The following ZFYVE9 variants were observed in gnomAD, a reference collection of about 807,000 sequenced individuals.
ZFYVE9 encodes zinc finger FYVE-type containing 9, also known as zinc finger FYVE domain-containing protein 9.
A neutral mutation model predicts 126.7 loss-of-function variants in ZFYVE9; 43 were observed. The observed-to-expected ratio is 0.34, with a 90% CI of 0.27 to 0.44. ZFYVE9 has a LOEUF of 0.44. Among genes scored for constraint, ZFYVE9 ranks in the 20% least tolerant of loss-of-function variants. ZFYVE9 has a pLI of 1.00. For synonymous variants in ZFYVE9, 521 were observed against 597.4 expected, an observed-to-expected ratio of 0.87 and a Z score of 1.87; for missense variants, 1,476 against 1,697.0, an observed-to-expected ratio of 0.87 and a Z score of 2.29.
chr1:52,221,505 C>T (rs548830829), intron 2 of ZFYVE9, among the ~76,000 whole-genome samples: 5 of 152,202 alleles, frequency 3.3e-5, no homozygotes, highest in Admixed American at 1.3e-4. Flanking sequence ...TAAGCCATCT[C>T]TCTGCCTTCT....
At chr1:52,338,997 C>T (rs956668693) in intron 16 of ZFYVE9, among the ~76,000 whole-genome samples, 1 of 151,610 alleles carries the variant, frequency 6.6e-6, no homozygotes, top group Non-Finnish European at 1.5e-5. Context: ...ACAACAAGAG[C>T]GAAACTCTGT....
chr1:52,176,220 G>A (rs1644626977), intron 1 of ZFYVE9, among the ~76,000 whole-genome samples: 3 of 152,176 alleles, frequency 2.0e-5, no homozygotes, highest in Non-Finnish European at 4.4e-5. Context: ...TAACAGATAG[G>A]ACCCTCAGCT....
chr1:52,161,407 A>G (rs1293771088), intron 1 of ZFYVE9, among the ~76,000 whole-genome samples: 2 of 152,132 alleles, frequency 1.3e-5, no homozygotes, highest in African/African-American at 4.8e-5. Context: ...CTCCTGCCTC[A>G]GCCTCCTGAG....
chr1:52,179,326 T>C (rs564437736), intron 1 of ZFYVE9, among the ~76,000 whole-genome samples: 9 of 152,138 alleles, frequency 5.9e-5, no homozygotes, highest in Non-Finnish European at 8.8e-5. Context: ...AGAGAGAACA[T>C]GAGACTGGAT....
intron 1 of ZFYVE9, among the ~76,000 whole-genome samples, chr1:52,164,118 A>ATT (rs1289936630): frequency 4.3e-5 from 6 of 139,454 alleles, no homozygotes; most frequent in Admixed American, 7.2e-5. Context: ...CACCTAGCTA[A>ATT]TTTTTTTTTT....
At chr1:52,298,903 G>A (rs563484130) in intron 12 of ZFYVE9, among the ~76,000 whole-genome samples, 6 of 142,918 alleles carry the variant, frequency 4.2e-5, no homozygotes, top group Non-Finnish European at 7.5e-5. Context: ...TCCGCCTCCC[G>A]GGTTCACACC....
At chr1:52,199,419 T>G (rs1644902415) in intron 1 of ZFYVE9, among the ~76,000 whole-genome samples, 1 of 152,230 alleles carries the variant, frequency 6.6e-6, no homozygotes, top group Non-Finnish European at 1.5e-5. Flanking sequence ...CGTCACATAC[T>G]TGGAATCATA....
At chr1:52,218,870 T>G (rs1187177157) in intron 2 of ZFYVE9, among the ~76,000 whole-genome samples, 2 of 152,056 alleles carry the variant, frequency 1.3e-5, no homozygotes, top group Admixed American at 1.3e-4. Context: ...TAGGGTCTTT[T>G]GCAGTGACAT....
chr1:52,179,147 G>A (rs1467217604), intron 1 of ZFYVE9, among the ~76,000 whole-genome samples: 1 of 152,164 alleles, frequency 6.6e-6, no homozygotes, highest in Non-Finnish European at 1.5e-5. Context: ...TGATTGGTGG[G>A]TAGAGTGGTT....
chr1:52,269,962 A>C (rs1645673134), intron 7 of ZFYVE9, among the ~76,000 whole-genome samples: 1 of 152,060 alleles, frequency 6.6e-6, no homozygotes, highest in Non-Finnish European at 1.5e-5. Context: ...TATTTGGAAA[A>C]AAATTCAACC....
intron 1 of ZFYVE9, chr1:52,160,141 A>G (rs1644442346): frequency 1.6e-6 from 1 of 617,364 alleles, no homozygotes; most frequent in Non-Finnish European, 2.9e-6. Flanking sequence ...CACACATAAC[A>G]CTATTCTCTG....
intron 7 of ZFYVE9, among the ~76,000 whole-genome samples, chr1:52,269,873 A>C (rs1273404250): frequency 6.6e-6 from 1 of 151,768 alleles, no homozygotes. Context: ...CTGCAGCCTT[A>C]ACGTCCCAGG....
intron 1 of ZFYVE9, among the ~76,000 whole-genome samples, chr1:52,214,893 A>G (rs753831916): frequency 6.6e-6 from 1 of 151,948 alleles, no homozygotes; most frequent in Non-Finnish European, 1.5e-5. Context: ...GCCTTATTTT[A>G]TTCACGTCCT....
chr1:52,233,076 G>T, intron 2 of ZFYVE9, 95 bp from the exon 3 acceptor site: 1 of 450,854 alleles, frequency 2.2e-6, no homozygotes, highest in Non-Finnish European at 3.5e-6. Context: ...CCATTATCTG[G>T]AAAGATTTAT....
At chr1:52,181,007 A>G (rs1471751014) in intron 1 of ZFYVE9, among the ~76,000 whole-genome samples, 2 of 151,370 alleles carry the variant, frequency 1.3e-5, no homozygotes, top group Non-Finnish European at 2.9e-5. Context: ...GGTAGAAATA[A>G]TCATTGCTGG....
At chr1:52,219,163 T>TG (rs754149865) in intron 2 of ZFYVE9, among the ~76,000 whole-genome samples, 60 of 151,042 alleles carry the variant, frequency 4.0e-4, no homozygotes, top group Middle Eastern at 6.8e-3. Flanking sequence ...TTTCTGGGGA[T>TG]GGGGGGCAGA....
At chr1:52,165,097 T>C (rs1256254083) in intron 1 of ZFYVE9, among the ~76,000 whole-genome samples, 1 of 152,090 alleles carries the variant, frequency 6.6e-6, no homozygotes, top group Non-Finnish European at 1.5e-5. Flanking sequence ...TATGTGTATT[T>C]TACCACAATA....
At chr1:52,307,529 G>A (rs192912567) in intron 13 of ZFYVE9, among the ~76,000 whole-genome samples, 91 of 152,182 alleles carry the variant, frequency 6.0e-4, no homozygotes, top group Admixed American at 5.5e-3. Context: ...GTGCCACTGC[G>A]TTCAGCCCCC....
chr1:52,166,930 T>A (rs989789561), intron 1 of ZFYVE9, among the ~76,000 whole-genome samples: 2 of 152,212 alleles, frequency 1.3e-5, no homozygotes, highest in Non-Finnish European at 2.9e-5. Flanking sequence ...CATTTCATGC[T>A]TATTTACTCT....
Sources: allele counts gnomAD v4.1 joint callset (sites outside exome capture counted in the v4.1 genomes callset), GRCh38; gene constraint gnomAD v4.1.1; transcripts MANE v1.5; gene names NCBI Gene and HGNC (gene_info 2026-07-23, HGNC 2026-07-21).